RBFOX1: variants seen among roughly 807,000 people sequenced by gnomAD.
RBFOX1 encodes RNA binding fox-1 homolog 1, also known as RNA binding protein fox-1 homolog 1.
RBFOX1 carries 8 observed loss-of-function variants against 57.7 expected under a neutral mutation model. The ratio of observed to expected loss-of-function variants is 0.14; its 90% CI spans 0.08 to 0.25. The LOEUF (loss-of-function observed/expected upper bound fraction) is 0.25, where lower values mean the gene tolerates loss of function less well. Among genes scored for constraint, RBFOX1 ranks in the 10% least tolerant of loss-of-function variants. The probability of loss-of-function intolerance (pLI) is 1.00; values close to 1 mark genes in which losing one functional copy is unlikely to be tolerated. For synonymous variants in RBFOX1, 326 were observed against 222.4 expected (o/e 1.47, Z -4.15); for missense variants, 611 against 548.5 (o/e 1.11, Z -1.14).
chr16:7,072,055 A>C (rs142037361), intron 4 of RBFOX1, among the ~76,000 whole-genome samples: 1 of 152,208 alleles, frequency 6.6e-6, no homozygotes, highest in Non-Finnish European at 1.5e-5. Flanking sequence ...GATTATTTCA[A>C]TAGCATTCCA....
intron 3 of RBFOX1, among the ~76,000 whole-genome samples, chr16:6,840,204 C>G (rs1421793736): frequency 2.6e-5 from 4 of 152,124 alleles, no homozygotes; most frequent in African/African-American, 9.7e-5. Context: ...ACTGGAAATT[C>G]TAGACTAAAA....
At chr16:5,443,813 C>T (rs879499190) in intron 1 of RBFOX1, among the ~76,000 whole-genome samples, 10 of 152,160 alleles carry the variant, frequency 6.6e-5, no homozygotes, top group Non-Finnish European at 1.2e-4. Context: ...ACAGGACTAT[C>T]GCTACTTAGA....
chr16:6,859,362 G>A (rs1200134203), intron 3 of RBFOX1, among the ~76,000 whole-genome samples: 1 of 151,322 alleles, frequency 6.6e-6, no homozygotes, highest in Non-Finnish European at 1.5e-5. Flanking sequence ...AAAATTCTCT[G>A]TTCTCCTCAA....
chr16:6,159,697 T>G (rs2096863795), intron 1 of RBFOX1, among the ~76,000 whole-genome samples: 1 of 152,222 alleles, frequency 6.6e-6, no homozygotes, highest in South Asian at 2.1e-4. Context: ...ACAGTGAATG[T>G]GCTCTTAACC....
chr16:7,215,787 T>C (rs34524300), intron 4 of RBFOX1, among the ~76,000 whole-genome samples: 21,602 of 148,398 alleles, frequency 0.15, 1,731 homozygotes, highest in East Asian at 0.31. Flanking sequence ...TGCAGTGGCG[T>C]GATCTCGGCT....
At chr16:7,654,950 T>A (rs1016237802) in intron 12 of RBFOX1, among the ~76,000 whole-genome samples, 11 of 152,210 alleles carry the variant, frequency 7.2e-5, no homozygotes, top group Admixed American at 2.0e-4. Flanking sequence ...TGCTCTATGT[T>A]AAATTCAGCG....
At position 7,712,808 on chromosome 16, in the gene RBFOX1, A is replaced by G. The variant is rs2084196460; in HGVS notation, c.*2063A>G. On this transcript the variant is annotated 3_prime_UTR_variant, in exon 16 of 16. Transcript: ENST00000550418. ...GTAGGAGCAGGGGGCTATGGAGAATAAATTTCTCCCAATTGCCGCCTCAGA... is the reference window on the plus strand; with the variant it reads ...GTAGGAGCAGGGGGCTATGGAGAATGAATTTCTCCCAATTGCCGCCTCAGA... 5 of 152,202 alleles carry G rather than the reference A, an allele frequency of 3.3e-5. No homozygotes were observed. The allele number at this position is 152,202 out of a possible 1,614,324, so 9.4% of individuals were successfully genotyped here.
rs149682530 is a variant in RBFOX1, at chr16:6,425,714, T to TAC, written c.-64+108670_-64+108671dup. On this transcript the variant is annotated intron_variant, in intron 2 of 15. Transcript: ENST00000550418. ...TGGTTTATTCTGTGGATCTAATTCA[T>TAC]ACACACACACACACGAACGTTTTGA... Among the ~76,000 whole-genome samples, 257 of 152,010 alleles carry TAC rather than the reference T, an allele frequency of 1.7e-3. 1 individual carries two copies. Among genetic ancestry groups the TAC allele is most frequent in the African/African-American group, 4.8e-3 (199 of 41,488 alleles).
At chr16:7,015,954 T>C (rs1393024887) in intron 3 of RBFOX1, among the ~76,000 whole-genome samples, 1 of 152,160 alleles carries the variant, frequency 6.6e-6, no homozygotes, top group Non-Finnish European at 1.5e-5. Context: ...AATTCATCAT[T>C]TACCCATTAT....
intron 3 of RBFOX1, among the ~76,000 whole-genome samples, chr16:6,926,235 A>AG (rs1383227602): frequency 2.0e-5 from 3 of 152,150 alleles, no homozygotes; most frequent in African/African-American, 7.2e-5. Context: ...TGAACCTGGG[A>AG]GGGGGAGGTT....
chr16:7,188,646 C>G (rs758538065), intron 4 of RBFOX1, among the ~76,000 whole-genome samples: 2 of 152,138 alleles, frequency 1.3e-5, no homozygotes, highest in Non-Finnish European at 1.5e-5. Context: ...TATACCAGTC[C>G]AGTATCATTA....
chr16:6,195,692 C>T (rs183830142), intron 1 of RBFOX1, among the ~76,000 whole-genome samples: 303 of 151,052 alleles, frequency 2.0e-3, no homozygotes, highest in African/African-American at 7.1e-3. Flanking sequence ...GCACTCCAGC[C>T]TGGGAAACAA....
chr16:5,712,579 C>T (rs1006786807), intron 3 of RBFOX1, among the ~76,000 whole-genome samples: 2 of 151,938 alleles, frequency 1.3e-5, no homozygotes, highest in Non-Finnish European at 2.9e-5. Flanking sequence ...TCTATGAGCT[C>T]ACTTAATTCC....
At chr16:7,294,207 A>G (rs930010616) in intron 4 of RBFOX1, among the ~76,000 whole-genome samples, 1 of 152,026 alleles carries the variant, frequency 6.6e-6, no homozygotes, top group Admixed American at 6.6e-5. Context: ...ATCACCACTT[A>G]GCTGTTTTTG....
At chr16:5,771,893 G>C (rs2053990357) in intron 3 of RBFOX1, among the ~76,000 whole-genome samples, 1 of 152,280 alleles carries the variant, frequency 6.6e-6, no homozygotes, top group African/African-American at 2.4e-5. Context: ...GCTAGTTTGG[G>C]CTGGGCACAG....
At chr16:6,722,073 C>G (rs1439608875) in intron 3 of RBFOX1, 1 of 152,198 alleles carries the variant, frequency 6.6e-6, no homozygotes, top group Non-Finnish European at 1.5e-5. Context: ...GGATTGCTTT[C>G]ACCTTTGGGC....
chr16:7,185,130 G>A (rs997344826), intron 4 of RBFOX1, among the ~76,000 whole-genome samples: 3 of 152,164 alleles, frequency 2.0e-5, no homozygotes, highest in Admixed American at 6.5e-5. Flanking sequence ...TTATGGAAGA[G>A]CATATGGGAG....
Position 6,688,243 on chromosome 16 carries a change from G to A in RBFOX1, c.-16+33593G>A, listed in dbSNP as rs866432927. 1.9e-4 allele frequency among the ~76,000 whole-genome samples: 29 copies of A among 152,108 alleles called. No homozygotes were observed. The Middle Eastern group carries it at 0.01, about 55-fold the overall frequency. Reference sequence around the variant, plus strand: ...CTAGAGCAGGAGGAAGAGAGAGATGGCAGGAGGTGCTACACAATTGTAAAC... The same window carrying A: ...CTAGAGCAGGAGGAAGAGAGAGATGACAGGAGGTGCTACACAATTGTAAAC... On this transcript the variant is annotated intron_variant, in intron 3 of 15. Coordinates refer to ENST00000550418, the MANE Select transcript of RBFOX1 (RefSeq NM_018723.4).
At chr16:5,439,157 T>A (rs2068007067) in intron 1 of RBFOX1, among the ~76,000 whole-genome samples, 1 of 151,832 alleles carries the variant, frequency 6.6e-6, no homozygotes, top group Non-Finnish European at 1.5e-5. Flanking sequence ...CAGGGTGGGA[T>A]AAGGCTTCAC....
Sources: gnomAD v4.1 joint callset for allele counts (sites outside exome capture counted in the v4.1 genomes callset) on GRCh38, gnomAD v4.1.1 for gene constraint, MANE v1.5 for transcripts, NCBI Gene and HGNC (gene_info 2026-07-23, HGNC 2026-07-21) for gene names.